The following CACNG2 variants were observed in gnomAD, a reference collection of about 807,000 sequenced individuals.
The protein encoded by CACNG2 is calcium voltage-gated channel auxiliary subunit gamma 2, also known as voltage-dependent calcium channel gamma-2 subunit.
In CACNG2, 3 loss-of-function variants were observed where a neutral mutation model predicts 25.9. That is an observed-to-expected ratio of 0.12 (90% CI 0.05 to 0.30). The LOEUF is 0.30. Ranked by LOEUF, CACNG2 falls within the 10% of genes least tolerant of loss-of-function variation. The probability of loss-of-function intolerance (pLI) is 1.00; values close to 1 mark genes in which losing one functional copy is unlikely to be tolerated. For synonymous variants in CACNG2, 167 were observed against 173.3 expected, an observed-to-expected ratio of 0.96 and a Z score of 0.29; for missense variants, 341 against 432.5, an observed-to-expected ratio of 0.79 and a Z score of 1.88.
At chr22:36,675,217 C>CT (rs574522910) in intron 1 of CACNG2, among the ~76,000 whole-genome samples, 3 of 151,474 alleles carry the variant, frequency 2.0e-5, no homozygotes, top group Admixed American at 6.6e-5. Flanking sequence ...TTTTCTTTTT[C>CT]TTTTTTTTGT....
chr22:36,612,951 C>T (rs960796516), intron 1 of CACNG2, among the ~76,000 whole-genome samples: 1 of 152,150 alleles, frequency 6.6e-6, no homozygotes, highest in Non-Finnish European at 1.5e-5. Flanking sequence ...CTGCTGATTC[C>T]AGCCCCAGGA....
At chr22:36,688,242 T>A (rs1451879302) in intron 1 of CACNG2, among the ~76,000 whole-genome samples, 1 of 152,102 alleles carries the variant, frequency 6.6e-6, no homozygotes, top group Non-Finnish European at 1.5e-5. Context: ...TAACCTTAAA[T>A]GATAATGTTA....
intron 2 of CACNG2, among the ~76,000 whole-genome samples, chr22:36,586,297 C>T (rs1225522208): frequency 1.3e-5 from 2 of 152,226 alleles, no homozygotes; most frequent in Non-Finnish European, 2.9e-5. Context: ...CAGACACAGT[C>T]GCAGGTAACA....
intron 1 of CACNG2, among the ~76,000 whole-genome samples, chr22:36,634,640 T>A (rs745309312): frequency 3.3e-5 from 5 of 152,230 alleles, no homozygotes; most frequent in African/African-American, 1.2e-4. Flanking sequence ...GTCTGGTATA[T>A]AGCAGGGGTT....
intron 1 of CACNG2, among the ~76,000 whole-genome samples, chr22:36,690,778 A>T (rs1473459507): frequency 6.6e-6 from 1 of 152,224 alleles, no homozygotes; most frequent in Non-Finnish European, 1.5e-5. Context: ...GATGATGATG[A>T]TGATGACGAT....
chr22:36,696,808 T>C (rs1457040309), intron 1 of CACNG2, among the ~76,000 whole-genome samples: 1 of 152,198 alleles, frequency 6.6e-6, no homozygotes, highest in Non-Finnish European at 1.5e-5. Context: ...CATCCATTCA[T>C]TTAATCCCTA....
intron 1 of CACNG2, among the ~76,000 whole-genome samples, chr22:36,604,267 T>G (rs993655473): frequency 5.9e-5 from 9 of 152,024 alleles, no homozygotes; most frequent in African/African-American, 2.2e-4. Context: ...AAAACTTGAG[T>G]GGATGAGAGG....
chr22:36,571,231 C>T (rs1259734584), intron 2 of CACNG2, among the ~76,000 whole-genome samples: 5 of 150,944 alleles, frequency 3.3e-5, no homozygotes, highest in African/African-American at 9.7e-5. Context: ...CTGAGGTGAG[C>T]GGATCACATG....
chr22:36,678,161 C>T (rs556818249), intron 1 of CACNG2, among the ~76,000 whole-genome samples: 155 of 152,254 alleles, frequency 1.0e-3, no homozygotes, highest in African/African-American at 3.5e-3. Context: ...AATGAGGCCA[C>T]GTAAAATGAT....
intron 2 of CACNG2, among the ~76,000 whole-genome samples, chr22:36,572,866 T>G (rs913292632): frequency 6.6e-6 from 1 of 152,136 alleles, no homozygotes; most frequent in African/African-American, 2.4e-5. Context: ...TAGCTGTGAA[T>G]CCAGTGAGCA....
intron 1 of CACNG2, among the ~76,000 whole-genome samples, chr22:36,687,413 A>G (rs1282181311): frequency 6.6e-6 from 1 of 152,238 alleles, no homozygotes; most frequent in Non-Finnish European, 1.5e-5. Context: ...GGTTGTGAAC[A>G]AACTCTTTGT....
intron 1 of CACNG2, among the ~76,000 whole-genome samples, chr22:36,631,019 C>T (rs543974925): frequency 5.9e-5 from 9 of 152,168 alleles, no homozygotes; most frequent in East Asian, 1.9e-4. Flanking sequence ...TTAGTAGAGA[C>T]GGGGTTTCAC....
chr22:36,627,431 A>T (rs1318810979), intron 1 of CACNG2, among the ~76,000 whole-genome samples: 1 of 152,114 alleles, frequency 6.6e-6, no homozygotes, highest in Non-Finnish European at 1.5e-5. Context: ...AAAGCAGGGC[A>T]TGCTCACGGT....
At chr22:36,600,366 C>T (rs564640680) in intron 1 of CACNG2, among the ~76,000 whole-genome samples, 1 of 152,044 alleles carries the variant, frequency 6.6e-6, no homozygotes, top group South Asian at 2.1e-4. Context: ...CCTCCTGCCT[C>T]AGTCTCCTGA....
intron 2 of CACNG2, among the ~76,000 whole-genome samples, chr22:36,578,945 A>G (rs1020340067): frequency 6.6e-6 from 1 of 152,122 alleles, no homozygotes; most frequent in African/African-American, 2.4e-5. Flanking sequence ...AACAGAAACC[A>G]AGATGAAACA....
chr22:36,682,570 G>A (rs1205684747), intron 1 of CACNG2, among the ~76,000 whole-genome samples: 1 of 141,190 alleles, frequency 7.1e-6, no homozygotes, highest in Non-Finnish European at 1.5e-5. Context: ...GACTTGTATA[G>A]AACCTGAAGT....
At chr22:36,621,920 C>T (rs2145950074) in intron 1 of CACNG2, among the ~76,000 whole-genome samples, 2 of 152,314 alleles carry the variant, frequency 1.3e-5, no homozygotes, top group Non-Finnish European at 2.9e-5. Flanking sequence ...TACTGTTTTC[C>T]AGCATGTTGG....
intron 1 of CACNG2, among the ~76,000 whole-genome samples, chr22:36,682,650 C>G (rs1371977936): frequency 6.6e-6 from 1 of 152,096 alleles, no homozygotes; most frequent in African/African-American, 2.4e-5. Context: ...AGAATAATAA[C>G]AACACAATTA....
chr22:36,635,837 C>T (rs1661856051), intron 1 of CACNG2, among the ~76,000 whole-genome samples: 1 of 152,182 alleles, frequency 6.6e-6, no homozygotes. Context: ...TTGTGAGAGT[C>T]AGGATTCTGG....
Sources: gnomAD v4.1 joint callset for allele counts (sites outside exome capture counted in the v4.1 genomes callset) on GRCh38, gnomAD v4.1.1 for gene constraint, MANE v1.5 for transcripts, NCBI Gene and HGNC (gene_info 2026-07-23, HGNC 2026-07-21) for gene names.